COL6A2: variants seen among roughly 807,000 people sequenced by gnomAD.
COL6A2 encodes the protein collagen alpha-2(VI) chain.
Under a neutral mutation model 124.9 loss-of-function variants are expected in COL6A2, and 90 were observed. The ratio of observed to expected loss-of-function variants is 0.72; its 90% CI spans 0.61 to 0.86. The LOEUF is 0.86. COL6A2 is among the 40% of genes least tolerant of loss of function. COL6A2 has a pLI of 0.00. For missense variants in COL6A2, 1,607 were observed against 1,502.5 expected, an observed-to-expected ratio of 1.07 and a Z score of -1.15; for synonymous variants, 793 against 618.2, an observed-to-expected ratio of 1.28 and a Z score of -4.19.
chr21:46,111,489 A>G lies in COL6A2; in HGVS notation c.13A>G (p.Thr5Ala). 6.2e-7 allele frequency: 1 copy of G among 1,611,986 alleles called. No homozygotes were observed. ...AGGTGCTGCCAAGATGCTCCAGGGC[A>G]CCTGCTCCGTGCTCCTGCTCTGGGG... Reference protein sequence around the residue: MLQGTCSVLLLWGIL... With the variant: MLQGACSVLLLWGIL... The change falls in exon 2 of 28, where the codon ACC becomes GCC. Residue 5 changes from threonine to alanine, a missense_variant. Thr to Ala is a moderately conservative substitution (Grantham distance 58). Around this residue, in one of 3 missense-constraint regions of COL6A2, gnomAD observed 342 missense variants for 381.5 expected, o/e 0.90. Coordinates refer to ENST00000300527, the MANE Select transcript of COL6A2 (RefSeq NM_001849.4).
chr21:46,125,019 G>A, intron 23 of COL6A2, 99 bp downstream of exon 23: 1 of 1,458,348 alleles, frequency 6.9e-7, no homozygotes, highest in Non-Finnish European at 9.6e-7. Context: ...CGGTCAGAGA[G>A]CAAGATCAGT....
intron 1 of COL6A2, among the ~76,000 whole-genome samples, chr21:46,106,552 A>G (rs2078336855): frequency 6.6e-6 from 1 of 152,248 alleles, no homozygotes; most frequent in African/African-American, 2.4e-5. Flanking sequence ...GACATTTTAT[A>G]CATTCTGTTT....
intron 27 of COL6A2, among the ~76,000 whole-genome samples, chr21:46,127,340 C>T (rs904683531): frequency 7.9e-5 from 12 of 152,234 alleles, no homozygotes; most frequent in Admixed American, 5.2e-4. Context: ...TGCGTTCGGG[C>T]GTTCCATGGG....
intron 1 of COL6A2, among the ~76,000 whole-genome samples, chr21:46,101,355 G>C (rs1027294113): frequency 5.3e-5 from 8 of 151,694 alleles, no homozygotes; most frequent in African/African-American, 1.9e-4. Context: ...TCATTCTCTG[G>C]GTTCTTTTTA....
At chr21:46,122,026 G>A (rs1223298181) in intron 18 of COL6A2, 82 bp from the exon 19 acceptor site, 2 of 1,441,678 alleles carry the variant, frequency 1.4e-6, no homozygotes, top group Admixed American at 1.7e-5. Flanking sequence ...ACCCCAGTGT[G>A]CACCTTGCGC....
chr21:46,130,494 C>G (rs558584486), intron 27 of COL6A2, among the ~76,000 whole-genome samples: 1 of 152,162 alleles, frequency 6.6e-6, no homozygotes, highest in Admixed American at 6.5e-5. Flanking sequence ...ACCCACTGCA[C>G]AGGGCAGGCC....
chr21:46,108,384 CATG>C (rs2078358718), intron 1 of COL6A2, among the ~76,000 whole-genome samples: 1 of 152,126 alleles, frequency 6.6e-6, no homozygotes, highest in East Asian at 1.9e-4. Context: ...AATTCCTGGA[CATG>C]ATTTCTGTAT....
chr21:46,108,080 CTT>C (rs897563944), intron 1 of COL6A2, among the ~76,000 whole-genome samples: 18 of 151,178 alleles, frequency 1.2e-4, no homozygotes, highest in Admixed American at 1.1e-3. Flanking sequence ...TTCTTTCTCT[CTT>C]TCTCTCTGTC....
chr21:46,125,999 G>A lies in COL6A2; in HGVS notation c.2184G>A (p.Val728=), dbSNP rs2839114. The A allele has an allele frequency of 0.37, 589,541 of 1,612,720 alleles. 112,538 individuals carry two copies. The highest frequency in any genetic ancestry group is 0.56 in the Admixed American group (33,393 of 60,000). ...SRRQKTRVFA[V]VITDGRHDPR... ...GCCAGAAGACACGTGTGTTTGCGGT[G>A]GTCATCACGGACGGGCGCCACGACC... The change falls in exon 26 of 28, where the codon GTG becomes GTA. Residue 728 remains valine, a synonymous_variant. Coordinates refer to ENST00000300527, the MANE Select transcript of COL6A2 (RefSeq NM_001849.4).
chr21:46,114,194 A>C, intron 5 of COL6A2, 121 bp downstream of exon 5: 2 of 792,936 alleles, frequency 2.5e-6, no homozygotes, highest in Non-Finnish European at 4.4e-6. Flanking sequence ...TGGGAGGCCG[A>C]GGCGGGCGGA....
At chr21:46,120,959 G>A (rs978387327) in intron 16 of COL6A2, 102 bp from the exon 17 acceptor site, 29 of 1,153,888 alleles carry the variant, frequency 2.5e-5, no homozygotes, top group Middle Eastern at 1.9e-4. Flanking sequence ...GGCCAGACCC[G>A]TCTTACCCCC....
chr21:46,132,302 G>A lies in COL6A2; in HGVS notation c.2810G>A (p.Arg937Gln), dbSNP rs777354703. The stretch of plus-strand genomic sequence containing the variant: ...GTGCGCAGCCCGCGTGGCGGGGCCC[G>A]GAGGCACGCAGAGCTGTCCTTCGTG... Reference protein sequence around the residue: ...AIVRSPRGGARRHAELSFVFL... With the variant: ...AIVRSPRGGAQRHAELSFVFL... Residue 937 changes from arginine (R) to glutamine (Q), a missense_variant, in exon 28 of 28, where the codon CGG becomes CAG. Around this residue, in one of 3 missense-constraint regions of COL6A2, gnomAD observed 1,223 missense variants for 1,052.2 expected, o/e 1.16. Coordinates refer to ENST00000300527, the MANE Select transcript of COL6A2 (RefSeq NM_001849.4). The A allele has an allele frequency of 4.5e-5, 72 of 1,606,070 alleles. No individual in the cohort carries two copies. Among genetic ancestry groups the A allele is most frequent in the Middle Eastern group, 1.6e-4 (1 of 6,076 alleles).
Position 46,122,156 on chromosome 21 carries a change from C to A in COL6A2, c.1570C>A (p.Pro524Thr). ...GFSYPGPRGA[P>T]GEKGEPGPRG... Reference sequence around the variant, plus strand: ...CAGCTACCCAGGACCCCGAGGAGCACCCGTGAGTCACAGCCTGGGATGGCA... The same window carrying A: ...CAGCTACCCAGGACCCCGAGGAGCAACCGTGAGTCACAGCCTGGGATGGCA... Residue 524 changes from proline to threonine, a missense_variant and splice_region_variant, in exon 19 of 28, where the codon CCC becomes ACC. Physicochemically the swap from Pro to Thr is conservative, Grantham distance 38. Coordinates refer to ENST00000300527, the MANE Select transcript of COL6A2 (RefSeq NM_001849.4). 6.2e-7 allele frequency: 1 copy of A among 1,612,586 alleles called. No individual in the cohort carries two copies. The highest frequency in any genetic ancestry group is 8.5e-7 in the Non-Finnish European group (1 of 1,179,930).
rs372485976 is a variant in COL6A2 at position 46,122,544 on chromosome 21, C to G, written c.1608+13C>G. On this transcript the variant is annotated intron_variant, in intron 20 of 27. Coordinates refer to ENST00000300527, the MANE Select transcript of COL6A2 (RefSeq NM_001849.4). ...ACGCGGCCCCGAGGTATGTGTGGGT[C>G]CTGGCCACCTGTGCCCACCCAGGGT... 1.4e-5 allele frequency: 22 copies of G among 1,612,408 alleles called. No homozygotes were observed. The highest frequency in any genetic ancestry group is 1.7e-5 in the Non-Finnish European group (20 of 1,179,892).
At position 46,112,166 on chromosome 21, in the gene COL6A2, CT is replaced by C; in HGVS notation, c.304del (p.Ser102LeufsTer40). ...LSWRYGGLHF[S>X]DQVEVFSPPG... is the part of the protein sequence containing the mutation. ...GCTGGCGCTACGGCGGCCTGCACTT[CT>C]CTGACCAGGTGGAGGTGTTCAGCCC... On this transcript the variant is annotated frameshift_variant, in exon 3 of 28. Transcript: ENST00000300527. LOFTEE classifies it high-confidence loss of function. The C allele has an allele frequency of 6.2e-7, 1 of 1,613,050 alleles. No homozygotes were observed. Among genetic ancestry groups the C allele is most frequent in the Non-Finnish European group, 8.5e-7 (1 of 1,180,036 alleles).
At position 46,116,849 on chromosome 21, in the gene COL6A2, C is replaced by T. The variant is rs1365270120; in HGVS notation, c.999+35C>T. On this transcript the variant is annotated intron_variant, in intron 10 of 27. Transcript: ENST00000300527. The surrounding 1 kb of genome is among the most constrained non-coding windows in gnomAD (Gnocchi z 4.6). ...GCCTCGGGCTCACAGCTGGACTGGT[C>T]TCACAGAGGCATCCCAGCCTCTGCA... The T allele has an allele frequency of 3.1e-6, 5 of 1,611,646 alleles. No homozygotes were observed. The highest frequency in any genetic ancestry group is 1.7e-4 in the Middle Eastern group (1 of 6,044).
At chr21:46,130,967 G>C (rs2078752842) in intron 27 of COL6A2, among the ~76,000 whole-genome samples, 1 of 152,242 alleles carries the variant, frequency 6.6e-6, no homozygotes, top group Non-Finnish European at 1.5e-5. Context: ...GCTGTGTTCA[G>C]AGCTTTGCTC....
chr21:46,099,325 A>G (rs1453244553), intron 1 of COL6A2, among the ~76,000 whole-genome samples: 1 of 152,010 alleles, frequency 6.6e-6, no homozygotes, highest in East Asian at 1.9e-4. Flanking sequence ...GCGTGGTGGC[A>G]GGCACCTGTA....
chr21:46,101,056 G>T (rs1045058541), intron 1 of COL6A2, among the ~76,000 whole-genome samples: 4 of 152,138 alleles, frequency 2.6e-5, no homozygotes, highest in Admixed American at 6.5e-5. Context: ...GCACCAACAG[G>T]TGTCATTTTC....
Sources: allele counts gnomAD v4.1 joint callset (sites outside exome capture counted in the v4.1 genomes callset), GRCh38; gene constraint gnomAD v4.1.1; regional missense constraint gnomAD v4.1.1; non-coding constraint Gnocchi (gnomAD v3.1); transcripts MANE v1.5; gene names NCBI Gene and HGNC (gene_info 2026-07-23, HGNC 2026-07-21).